Variants in KCNH5 observed in about 807,000 individuals in gnomAD.
KCNH5 encodes the protein voltage-gated delayed rectifier potassium channel KCNH5.
KCNH5 carries 46 observed loss-of-function variants against 96.1 expected under a neutral mutation model. The observed-to-expected ratio is 0.48, with a 90% CI of 0.38 to 0.61. KCNH5 has a LOEUF of 0.61. Ranked by LOEUF, KCNH5 falls within the 20% of genes least tolerant of loss-of-function variation. The pLI is 0.00. For missense variants in KCNH5, 907 were observed against 1,225.8 expected, an observed-to-expected ratio of 0.74 and a Z score of 3.88; for synonymous variants, 439 against 449.8, an observed-to-expected ratio of 0.98 and a Z score of 0.30.
intron 7 of KCNH5, among the ~76,000 whole-genome samples, chr14:62,869,267 T>G (rs1888200802): frequency 6.6e-6 from 1 of 152,248 alleles, no homozygotes; most frequent in Non-Finnish European, 1.5e-5. Flanking sequence ...TGGTTTTGAT[T>G]TGCATTTCTC....
In KCNH5 at chr14:62,699,936, A is replaced by T. The variant is rs115983385; in HGVS notation, c.*7572T>A. ...AAAACATCCCACATGAAATTTTTGC[A>T]TTGTTTCCTTTGTCAATGCATGAAT... On this transcript the variant is annotated 3_prime_UTR_variant, in exon 11 of 11. Coordinates refer to ENST00000322893, the MANE Select transcript of KCNH5 (RefSeq NM_139318.5). 1 of 152,304 alleles carries T rather than the reference A, an allele frequency of 6.6e-6. No homozygotes were observed. The highest frequency in any genetic ancestry group is 2.4e-5 in the African/African-American group (1 of 41,580). 9.4% of individuals were successfully genotyped at this position (152,304 alleles called of 1,614,324 possible). A position where few individuals can be genotyped will look rare whatever the true frequency, so the allele number is the denominator to read the frequency against.
chr14:62,731,172 G>A (rs1885041481), intron 10 of KCNH5, among the ~76,000 whole-genome samples: 1 of 151,838 alleles, frequency 6.6e-6, no homozygotes, highest in African/African-American at 2.4e-5. Flanking sequence ...ATGGTGGTGG[G>A]TGCCTATAAT....
At chr14:62,859,164 T>C (rs113044140) in intron 7 of KCNH5, among the ~76,000 whole-genome samples, 5,647 of 152,188 alleles carry the variant, frequency 0.037, 350 homozygotes, top group African/African-American at 0.13. Context: ...CTTTCCATGA[T>C]GGAAGAGTTC....
rs35939292 is a variant in KCNH5, at chr14:62,865,333, TAAAA to T, written c.1370-15485_1370-15482del. 3.0e-4 allele frequency among the ~76,000 whole-genome samples: 39 copies of T among 132,056 alleles called. 1 individual carries two copies. The highest frequency in any genetic ancestry group is 9.7e-4 in the African/African-American group (34 of 34,872). 86.6% of individuals were successfully genotyped at this position (132,056 alleles called of 152,430 possible). A position where few individuals can be genotyped will look rare whatever the true frequency, so the allele number is the denominator to read the frequency against. ...TGGTGAATAAGGGTAAAATGCTATT[TAAAA>T]AAAAAAAAAAAAAAGCTTATTCTTG... On this transcript the variant is annotated intron_variant, in intron 7 of 10. Coordinates refer to ENST00000322893, the MANE Select transcript of KCNH5 (RefSeq NM_139318.5).
Position 62,969,168 on chromosome 14 carries a change from C to T in KCNH5, c.942+11704G>A, listed in dbSNP as rs561689342. 7.9e-5 allele frequency among the ~76,000 whole-genome samples: 12 copies of T among 151,878 alleles called. No homozygotes were observed. In the South Asian group the frequency reaches 2.5e-3, roughly 31 times the overall value. On this transcript the variant is annotated intron_variant, in intron 6 of 10. Coordinates refer to ENST00000322893, the MANE Select transcript of KCNH5 (RefSeq NM_139318.5). ...TAACACACTTTTAAATAACACGAGT[C>T]AAAGAAGAAATCTCAAAAGAAATTT...
intron 1 of KCNH5, among the ~76,000 whole-genome samples, chr14:63,017,461 A>G (rs1407743380): frequency 6.6e-6 from 1 of 151,954 alleles, no homozygotes; most frequent in Non-Finnish European, 1.5e-5. Flanking sequence ...AATTTAAAAT[A>G]GAATTTAAAA....
intron 7 of KCNH5, among the ~76,000 whole-genome samples, chr14:62,875,308 C>A (rs1326484585): frequency 6.6e-5 from 10 of 151,852 alleles, no homozygotes; most frequent in Non-Finnish European, 7.4e-5. Flanking sequence ...ATCAAGCTAC[C>A]AATGACTTTC....
intron 7 of KCNH5, among the ~76,000 whole-genome samples, chr14:62,900,172 C>G (rs1040819506): frequency 3.9e-5 from 6 of 152,116 alleles, no homozygotes; most frequent in African/African-American, 1.2e-4. Context: ...CAATAAACTA[C>G]CAGCAACAAA....
chr14:62,907,496 T>C (rs1185006951), intron 7 of KCNH5, among the ~76,000 whole-genome samples: 1 of 152,124 alleles, frequency 6.6e-6, no homozygotes, highest in Non-Finnish European at 1.5e-5. Flanking sequence ...TTCATGCAAG[T>C]CTGGAAGGAA....
intron 10 of KCNH5, chr14:62,712,567 T>C: frequency 1.4e-6 from 1 of 706,396 alleles, no homozygotes; most frequent in Non-Finnish European, 2.6e-6. Flanking sequence ...TCTTAACCAT[T>C]CCACTCTCCT....
chr14:62,798,381 C>T (rs982859236), intron 9 of KCNH5, among the ~76,000 whole-genome samples: 1 of 152,148 alleles, frequency 6.6e-6, no homozygotes, highest in Non-Finnish European at 1.5e-5. Flanking sequence ...CAGAAAGGCA[C>T]AATATACTTG....
At chr14:62,897,560 G>T (rs1888838965) in intron 7 of KCNH5, among the ~76,000 whole-genome samples, 2 of 152,122 alleles carry the variant, frequency 1.3e-5, no homozygotes. Context: ...TAAAGAGAAA[G>T]GAGAATTGAA....
intron 7 of KCNH5, among the ~76,000 whole-genome samples, chr14:62,885,336 T>C (rs571966010): frequency 1.3e-5 from 2 of 152,312 alleles, no homozygotes; most frequent in African/African-American, 2.4e-5. Context: ...ATATCACTTA[T>C]CCTGAGAACA....
intron 1 of KCNH5, among the ~76,000 whole-genome samples, chr14:63,027,838 T>C (rs1390962538): frequency 1.3e-5 from 2 of 152,118 alleles, no homozygotes; most frequent in African/African-American, 4.8e-5. Flanking sequence ...TTTCAAACTT[T>C]TTTTATTAAA....
intron 7 of KCNH5, among the ~76,000 whole-genome samples, chr14:62,942,151 T>C (rs1889801641): frequency 6.6e-6 from 1 of 152,188 alleles, no homozygotes; most frequent in Non-Finnish European, 1.5e-5. Flanking sequence ...TGACACCACT[T>C]TCTTTCCATC....
rs145533559 is a variant in KCNH5, at chr14:62,702,381, G to A, written c.*5127C>T. Reference sequence around the variant, plus strand: ...TTTTAAGAAATCTTTAAAAGTATGTGTCTGGAAAAACCTAGACTAGATGGT... The same window carrying A: ...TTTTAAGAAATCTTTAAAAGTATGTATCTGGAAAAACCTAGACTAGATGGT... On this transcript the variant is annotated 3_prime_UTR_variant, in exon 11 of 11. Transcript: ENST00000322893. 22 of 152,086 alleles carry A rather than the reference G, an allele frequency of 1.4e-4. No individual in the cohort carries two copies. Among genetic ancestry groups the A allele is most frequent in the Non-Finnish European group, 2.4e-4 (16 of 67,898 alleles). 9.4% of individuals were successfully genotyped at this position (152,086 alleles called of 1,614,324 possible).
At chr14:62,793,479 T>C (rs1260541295) in intron 9 of KCNH5, among the ~76,000 whole-genome samples, 2 of 151,760 alleles carry the variant, frequency 1.3e-5, no homozygotes, top group East Asian at 1.9e-4. Flanking sequence ...TGTGTTGCTG[T>C]GATAGAAATG....
At chr14:63,011,164 T>C (rs184516150) in intron 2 of KCNH5, among the ~76,000 whole-genome samples, 1 of 151,782 alleles carries the variant, frequency 6.6e-6, no homozygotes, top group African/African-American at 2.4e-5. Flanking sequence ...AGAGGGGAAG[T>C]TAAGGAGGAA....
chr14:62,953,129 A>G (rs1890038329), intron 6 of KCNH5, among the ~76,000 whole-genome samples: 8 of 151,616 alleles, frequency 5.3e-5, no homozygotes. Context: ...ACAAAATATT[A>G]GTAAATATAC....
Sources: allele counts gnomAD v4.1 joint callset (sites outside exome capture counted in the v4.1 genomes callset), GRCh38; gene constraint gnomAD v4.1.1; transcripts MANE v1.5; gene names NCBI Gene and HGNC (gene_info 2026-07-23, HGNC 2026-07-21).